Variants in RBM6 observed in about 807,000 individuals in gnomAD.
The protein encoded by RBM6 is RNA-binding protein 6.
RBM6 carries 23 observed loss-of-function variants against 140.4 expected under a neutral mutation model. That is an observed-to-expected ratio of 0.16 (90% confidence interval 0.12 to 0.23). RBM6 has a LOEUF of 0.23. Among genes scored for constraint, RBM6 ranks in the 10% least tolerant of loss-of-function variants. The pLI is 1.00. For synonymous variants in RBM6, 439 were observed against 475.6 expected (o/e 0.92, Z 1.00); for missense variants, 1,139 against 1,386.7 (o/e 0.82, Z 2.84).
intron 1 of RBM6, among the ~76,000 whole-genome samples, chr3:49,959,188 C>CTT (rs35892482): frequency 8.8e-4 from 110 of 124,952 alleles, no homozygotes; most frequent in African/African-American, 1.1e-3. Flanking sequence ...GATTTTTTTC[C>CTT]TTTTTTTTTT....
At chr3:49,987,631 C>G (rs916738683) in intron 5 of RBM6, among the ~76,000 whole-genome samples, 31 of 151,406 alleles carry the variant, frequency 2.0e-4, no homozygotes, top group African/African-American at 7.5e-4. Context: ...TTGTAAATTT[C>G]TTTCTTTCTT....
chr3:49,992,721 T>C (rs889390406), intron 5 of RBM6, among the ~76,000 whole-genome samples: 2 of 152,200 alleles, frequency 1.3e-5, no homozygotes, highest in Non-Finnish European at 2.9e-5. Flanking sequence ...GTACCTGATA[T>C]TATGCTAGGT....
chr3:49,996,603 A>G (rs2086099606), intron 5 of RBM6, among the ~76,000 whole-genome samples: 1 of 152,212 alleles, frequency 6.6e-6, no homozygotes. Flanking sequence ...GGGAGCTAGT[A>G]TAATCAGCTC....
intron 6 of RBM6, among the ~76,000 whole-genome samples, chr3:50,029,491 T>C (rs957334907): frequency 6.6e-6 from 1 of 152,094 alleles, no homozygotes; most frequent in African/African-American, 2.4e-5. Flanking sequence ...TCCCAGCACT[T>C]TGGGAGGCTG....
intron 15 of RBM6, among the ~76,000 whole-genome samples, chr3:50,062,395 T>C (rs924517874): frequency 6.6e-6 from 1 of 151,676 alleles, no homozygotes; most frequent in Non-Finnish European, 1.5e-5. Flanking sequence ...TCCCAGCTAC[T>C]CAGGAGGCTG....
rs182637294 is a variant in RBM6, at chr3:50,060,409, C to T, written c.2229-547C>T. On this transcript the variant is annotated intron_variant, in intron 11 of 20. Transcript: ENST00000266022. The stretch of plus-strand genomic sequence containing the variant: ...GGGGCATATCTTGCTCTAGCACCCT[C>T]CACTTAATGGCTGTTTTGCTCCACC... 3.9e-5 allele frequency among the ~76,000 whole-genome samples: 6 copies of T among 152,232 alleles called. 1 individual carries two copies. In the East Asian group the frequency reaches 5.8e-4, roughly 15 times the overall value.
intron 7 of RBM6, among the ~76,000 whole-genome samples, chr3:50,052,414 C>T (rs1270658026): frequency 6.6e-6 from 1 of 152,172 alleles, no homozygotes; most frequent in African/African-American, 2.4e-5. Flanking sequence ...TCCTAACTGC[C>T]ACTCACTAAC....
intron 18 of RBM6, among the ~76,000 whole-genome samples, chr3:50,069,899 TG>T (rs1410890632): frequency 6.6e-6 from 1 of 152,188 alleles, no homozygotes; most frequent in African/African-American, 2.4e-5. Context: ...GTGGAGGGCT[TG>T]TGTACTTTCC....
At chr3:49,942,496 C>CAAA (rs34097467) in intron 1 of RBM6, among the ~76,000 whole-genome samples, 1 of 100,098 alleles carries the variant, frequency 1.0e-5, no homozygotes, top group Non-Finnish European at 2.0e-5. Context: ...GACTCCATCT[C>CAAA]AAAAAAAAAA....
At chr3:49,957,584 GAATTTATACT>G (rs1161379764) in intron 1 of RBM6, among the ~76,000 whole-genome samples, 2 of 151,974 alleles carry the variant, frequency 1.3e-5, no homozygotes, top group African/African-American at 4.8e-5. Context: ...AATCTAATTT[GAATTTATACT>G]AACTTAAGTT....
chr3:50,043,741 A>AC (rs1193351626), intron 6 of RBM6, among the ~76,000 whole-genome samples: 1 of 150,920 alleles, frequency 6.6e-6, no homozygotes, highest in Non-Finnish European at 1.5e-5. Context: ...GTGCCACCAC[A>AC]CCCAGCTCAC....
rs572567620 is a variant in RBM6 at position 50,007,223 on chromosome 3, G to A, written c.1557+7710G>A. 3.0e-4 allele frequency among the ~76,000 whole-genome samples: 44 copies of A among 148,878 alleles called. No homozygotes were observed. In the South Asian group the frequency reaches 7.5e-3, roughly 25 times the overall value. ...TTTTTTTTTCCTTTTTTGAGACAGG[G>A]TCTCATTCTGTCTCCTAGGCTGGAG... is the stretch of plus-strand genomic sequence containing the variant. On this transcript the variant is annotated intron_variant, in intron 6 of 20. Transcript: ENST00000266022.
chr3:49,961,294 T>C (rs1202851695), intron 1 of RBM6, among the ~76,000 whole-genome samples: 2 of 152,030 alleles, frequency 1.3e-5, no homozygotes, highest in Non-Finnish European at 2.9e-5. Flanking sequence ...CCTAGGCTGG[T>C]CTCGAACTCC....
chr3:50,007,732 ACCATGTTAG>A (rs1426832621), intron 6 of RBM6, among the ~76,000 whole-genome samples: 1 of 151,688 alleles, frequency 6.6e-6, no homozygotes, highest in African/African-American at 2.4e-5. Flanking sequence ...ACGGGGTTTC[ACCATGTTAG>A]CCAGGATGGT....
At chr3:50,005,708 AC>A (rs2086539303) in intron 6 of RBM6, among the ~76,000 whole-genome samples, 1 of 152,170 alleles carries the variant, frequency 6.6e-6, no homozygotes, top group South Asian at 2.1e-4. Context: ...TTGTAGTGTT[AC>A]CTAAACAACT....
intron 2 of RBM6, among the ~76,000 whole-genome samples, chr3:49,963,341 C>G (rs1021955221): frequency 4.6e-5 from 7 of 151,992 alleles, no homozygotes; most frequent in Admixed American, 3.9e-4. Flanking sequence ...TCAAGTGATT[C>G]TCCTGCCTCA....
intron 6 of RBM6, among the ~76,000 whole-genome samples, chr3:50,026,153 C>T (rs951254844): frequency 2.0e-5 from 3 of 151,720 alleles, no homozygotes; most frequent in South Asian, 2.1e-4. Flanking sequence ...GGCACGATCT[C>T]GGCTCACTGC....
chr3:50,074,660 A>G (rs1381693100), intron 19 of RBM6, among the ~76,000 whole-genome samples: 2 of 152,318 alleles, frequency 1.3e-5, no homozygotes, highest in East Asian at 1.9e-4. Context: ...TCAATGTTCT[A>G]TAAGCATCTC....
chr3:49,982,101 G>T (rs2085329461), intron 5 of RBM6, among the ~76,000 whole-genome samples: 1 of 152,128 alleles, frequency 6.6e-6, no homozygotes, highest in Admixed American at 6.6e-5. Context: ...TGTTCATGTG[G>T]TGAATGGACA....
Sources: allele counts gnomAD v4.1 joint callset (sites outside exome capture counted in the v4.1 genomes callset), GRCh38; gene constraint gnomAD v4.1.1; transcripts MANE v1.5; gene names NCBI Gene and HGNC (gene_info 2026-07-23, HGNC 2026-07-21).